Variants in LASP1 observed in about 807,000 individuals in gnomAD.
The protein encoded by LASP1 is LIM and SH3 protein 1, also known as LIM and SH3 domain protein 1.
A neutral mutation model predicts 38.6 loss-of-function variants in LASP1; 10 were observed. That is an observed-to-expected ratio of 0.26 (90% CI 0.16 to 0.44). The LOEUF is 0.44. LASP1 is among the 20% of genes least tolerant of loss of function. The pLI, the probability that LASP1 is intolerant of heterozygous loss-of-function variation, is 1.00. For missense variants in LASP1, 243 were observed against 375.7 expected (o/e 0.65, Z 2.92); for synonymous variants, 132 against 140.8 (o/e 0.94, Z 0.44).
chr17:38,893,543 G>A (rs1321322831), intron 3 of LASP1, among the ~76,000 whole-genome samples: 2 of 152,148 alleles, frequency 1.3e-5, no homozygotes, highest in Admixed American at 6.5e-5. Context: ...GGTCCTCGGG[G>A]GTTGGGGGCT....
At chr17:38,901,633 C>T (rs1914643876) in intron 4 of LASP1, among the ~76,000 whole-genome samples, 2 of 152,206 alleles carry the variant, frequency 1.3e-5, no homozygotes, top group Non-Finnish European at 2.9e-5. Flanking sequence ...GCATGTTAGA[C>T]ACATTCCCTG....
intron 4 of LASP1, among the ~76,000 whole-genome samples, chr17:38,910,074 T>A (rs906163242): frequency 6.6e-6 from 1 of 152,246 alleles, no homozygotes; most frequent in African/African-American, 2.4e-5. Flanking sequence ...ATTCATTCTT[T>A]GGTGCAAGTT....
intron 1 of LASP1, 115 bp from the exon 2 acceptor site, chr17:38,877,971 C>T: frequency 1.4e-6 from 1 of 730,982 alleles, no homozygotes; most frequent in Non-Finnish European, 2.4e-6. Flanking sequence ...ATGTTCTCCC[C>T]ACAGCCATGG....
rs749015269 is a variant in LASP1 at position 38,878,188 on chromosome 17, C to T, written c.164+8C>T. On this transcript the variant is annotated splice_region_variant and intron_variant, in intron 2 of 6. Transcript: ENST00000318008. ...GAAGCCCTACTGCAACGCGTGAGTCCTGTTCTGGGCAGGGGGCTGGGTGGG... is the reference window on the plus strand; with the variant it reads ...GAAGCCCTACTGCAACGCGTGAGTCTTGTTCTGGGCAGGGGGCTGGGTGGG... The T allele has an allele frequency of 1.2e-6, 2 of 1,605,028 alleles. No individual in the cohort carries two copies. The highest frequency in any genetic ancestry group is 1.7e-6 in the Non-Finnish European group (2 of 1,172,192).
intron 4 of LASP1, among the ~76,000 whole-genome samples, chr17:38,901,345 C>A (rs1329521110): frequency 6.6e-6 from 1 of 152,256 alleles, no homozygotes; most frequent in African/African-American, 2.4e-5. Context: ...TTACCCTTCT[C>A]GCGGTGCTGC....
intron 2 of LASP1, chr17:38,890,111 C>T (rs1215833789): frequency 3.1e-6 from 1 of 324,224 alleles, no homozygotes; most frequent in Non-Finnish European, 6.0e-6. Context: ...TGGATTATCC[C>T]CAAACAAGGG....
chr17:38,895,932 G>A (rs556987734), intron 3 of LASP1, among the ~76,000 whole-genome samples: 1 of 152,138 alleles, frequency 6.6e-6, no homozygotes, highest in Non-Finnish European at 1.5e-5. Flanking sequence ...CCAGGAGTGG[G>A]GTCCTCTGGG....
At chr17:38,900,803 A>AG (rs1455618260) in intron 4 of LASP1, among the ~76,000 whole-genome samples, 10 of 152,170 alleles carry the variant, frequency 6.6e-5, no homozygotes, top group Admixed American at 2.6e-4. Flanking sequence ...GGGGATGCCT[A>AG]GGGCGGGCAC....
chr17:38,913,584 G>A (rs543255692), intron 4 of LASP1, among the ~76,000 whole-genome samples: 2 of 152,324 alleles, frequency 1.3e-5, no homozygotes, highest in African/African-American at 2.4e-5. Context: ...GCTCACATGA[G>A]CCTGTGACAT....
chr17:38,885,970 TA>T (rs1195345794), intron 2 of LASP1, among the ~76,000 whole-genome samples: 1 of 152,146 alleles, frequency 6.6e-6, no homozygotes, highest in East Asian at 1.9e-4. Flanking sequence ...CCTCCTCACC[TA>T]AATTATCCAG....
chr17:38,898,577 GC>G, intron 4 of LASP1, 58 bp downstream of exon 4: 1 of 1,298,066 alleles, frequency 7.7e-7, no homozygotes, highest in Non-Finnish European at 1.1e-6. Context: ...TCCCCTTCCT[GC>G]CAGCCTGGCA....
At chr17:38,881,288 C>G (rs1913942729) in intron 2 of LASP1, among the ~76,000 whole-genome samples, 1 of 151,862 alleles carries the variant, frequency 6.6e-6, no homozygotes, top group Non-Finnish European at 1.5e-5. Context: ...GAGACAAGGT[C>G]TCCAAAAAAA....
rs1331273449 is a variant in LASP1 at position 38,919,290 on chromosome 17, AG to A, written c.*517del. 2 of 240,260 alleles carry A rather than the reference AG, an allele frequency of 8.3e-6. No individual in the cohort carries two copies. The highest frequency in any genetic ancestry group is 1.6e-5 in the Non-Finnish European group (2 of 121,946). 14.9% of individuals were successfully genotyped at this position (240,260 alleles called of 1,614,324 possible). On this transcript the variant is annotated 3_prime_UTR_variant, in exon 7 of 7. Transcript: ENST00000318008. Reference sequence around the variant, plus strand: ...TGGGCTCTACCTCTCTTTCTCAAAGAGGGGGCTCTGCCCACCTGGGGTCTCT... The same window carrying A: ...TGGGCTCTACCTCTCTTTCTCAAAGAGGGGCTCTGCCCACCTGGGGTCTCT...
At chr17:38,886,491 A>G (rs1446230990) in intron 2 of LASP1, among the ~76,000 whole-genome samples, 1 of 152,068 alleles carries the variant, frequency 6.6e-6, no homozygotes, top group Non-Finnish European at 1.5e-5. Flanking sequence ...CTGCCAAATT[A>G]AGCTGAGCTC....
At chr17:38,909,586 G>A (rs1389838161) in intron 4 of LASP1, among the ~76,000 whole-genome samples, 2 of 151,328 alleles carry the variant, frequency 1.3e-5, no homozygotes, top group Non-Finnish European at 2.9e-5. Flanking sequence ...CAGCCTGGGC[G>A]ACAGAGCGAG....
At chr17:38,898,382 A>G (rs758066378) in intron 3 of LASP1, 30 bp from the exon 4 acceptor site, 1 of 1,506,966 alleles carries the variant, frequency 6.6e-7, no homozygotes. Context: ...TCCTGGCCTG[A>G]CTCCAATCCC....
In LASP1 at chr17:38,919,376, A is replaced by G; in HGVS notation, c.*598A>G. On this transcript the variant is annotated 3_prime_UTR_variant, in exon 7 of 7. Coordinates refer to ENST00000318008, the MANE Select transcript of LASP1 (RefSeq NM_006148.4). The stretch of plus-strand genomic sequence containing the variant: ...GAATGGGGTTCCTGCTGTGGGGCGA[A>G]TTCATCCCCTCCCCGCGCGTTCCTT... 1 of 239,972 alleles carries G rather than the reference A, an allele frequency of 4.2e-6. No homozygotes were observed. Among genetic ancestry groups the G allele is most frequent in the East Asian group, 6.0e-5 (1 of 16,752 alleles). 14.9% of individuals were successfully genotyped at this position (239,972 alleles called of 1,614,324 possible). A position where few individuals can be genotyped will look rare whatever the true frequency, so the allele number is the denominator to read the frequency against.
intron 1 of LASP1, among the ~76,000 whole-genome samples, chr17:38,870,752 T>TGGCGG (rs1214814398): frequency 6.6e-6 from 1 of 150,456 alleles, no homozygotes; most frequent in African/African-American, 2.5e-5. Context: ...CTTCCTGGCC[T>TGGCGG]GGCGGGGCGG....
In LASP1 at chr17:38,919,610, C is replaced by T; in HGVS notation, c.*832C>T. ...CCTTGCCTGCCTCCTAGGCTGGAAGCCATGGTCCCGAAGTGTAGGGCAAGG... is the reference window on the plus strand; with the variant it reads ...CCTTGCCTGCCTCCTAGGCTGGAAGTCATGGTCCCGAAGTGTAGGGCAAGG... On this transcript the variant is annotated 3_prime_UTR_variant, in exon 7 of 7. Transcript: ENST00000318008. 3.7e-6 allele frequency: 1 copy of T among 268,514 alleles called. No homozygotes were observed. Among genetic ancestry groups the T allele is most frequent in the Non-Finnish European group, 7.3e-6 (1 of 137,484 alleles). 16.6% of individuals were successfully genotyped at this position (268,514 alleles called of 1,614,324 possible).
Sources: gnomAD v4.1 joint callset for allele counts (sites outside exome capture counted in the v4.1 genomes callset) on GRCh38, gnomAD v4.1.1 for gene constraint, MANE v1.5 for transcripts, NCBI Gene and HGNC (gene_info 2026-07-23, HGNC 2026-07-21) for gene names.